ERBB4: variants seen among roughly 807,000 people sequenced by gnomAD.
ERBB4 encodes the protein receptor tyrosine-protein kinase erbB-4.
In ERBB4, 42 loss-of-function variants were observed where a neutral mutation model predicts 158.0. The observed-to-expected ratio is 0.27, with a 90% CI of 0.21 to 0.34. ERBB4 has a LOEUF of 0.34. Among genes scored for constraint, ERBB4 ranks in the 10% least tolerant of loss-of-function variants. ERBB4 has a pLI of 1.00. For missense variants in ERBB4, 1,333 were observed against 1,624.1 expected (o/e 0.82, Z 3.08); for synonymous variants, 583 against 558.7 (o/e 1.04, Z -0.61).
At chr2:211,629,374 C>T (rs1160322630) in intron 17 of ERBB4, among the ~76,000 whole-genome samples, 1 of 152,072 alleles carries the variant, frequency 6.6e-6, no homozygotes, top group Non-Finnish European at 1.5e-5. Context: ...GATCTACAAA[C>T]CACTGCTCAA....
intron 1 of ERBB4, among the ~76,000 whole-genome samples, chr2:212,455,855 G>A (rs79932098): frequency 0.048 from 7,250 of 151,964 alleles, 219 homozygotes; most frequent in Non-Finnish European, 0.068. Flanking sequence ...TCATTTATTT[G>A]TTTAAAAAAT....
At chr2:212,331,291 A>G (rs1431617612) in intron 1 of ERBB4, among the ~76,000 whole-genome samples, 3 of 151,168 alleles carry the variant, frequency 2.0e-5, no homozygotes, top group Non-Finnish European at 4.4e-5. Flanking sequence ...TATGAATAAT[A>G]CTTTTGTTGA....
At position 211,473,520 on chromosome 2, in the gene ERBB4, C is replaced by T. The variant is rs558732167; in HGVS notation, c.2488-42420G>A. ...TGTAAAAAGGGCCAGCTTTCTGGGA[C>T]ATGGAAATCTGTATGATATAAGGAT... is the stretch of plus-strand genomic sequence containing the variant. On this transcript the variant is annotated intron_variant, in intron 20 of 27. Transcript: ENST00000342788. Among the ~76,000 whole-genome samples, 106 of 152,168 alleles carry T rather than the reference C, an allele frequency of 7.0e-4. 1 individual carries two copies. In the South Asian group the frequency reaches 0.021, roughly 30 times the overall value.
chr2:212,049,574 G>C (rs2077345955), intron 2 of ERBB4, among the ~76,000 whole-genome samples: 1 of 151,916 alleles, frequency 6.6e-6, no homozygotes, highest in South Asian at 2.1e-4. Context: ...TATCCTTTTT[G>C]TTTTCTCAGT....
rs183352392 is a variant in ERBB4 at position 212,444,242 on chromosome 2, T to G, written c.82+94207A>C. 3.3e-3 allele frequency among the ~76,000 whole-genome samples: 510 copies of G among 152,306 alleles called. 11 individuals carry two copies. Among genetic ancestry groups the G allele is most frequent in the East Asian group, 5.0e-3 (26 of 5,182 alleles). The stretch of plus-strand genomic sequence containing the variant: ...CAAGCACTACCTGAAAGTGGACAGC[T>G]GTAGCACTACAGCTCCTTTCTAGGA... On this transcript the variant is annotated intron_variant, in intron 1 of 27. Transcript: ENST00000342788.
chr2:212,300,034 T>C (rs183538536), intron 1 of ERBB4, among the ~76,000 whole-genome samples: 38 of 151,650 alleles, frequency 2.5e-4, no homozygotes, highest in Admixed American at 2.2e-3. Flanking sequence ...ACCTAAATCA[T>C]TGAAGCAAAA....
chr2:211,981,805 TG>T (rs1477675085), intron 2 of ERBB4, among the ~76,000 whole-genome samples: 2 of 152,210 alleles, frequency 1.3e-5, no homozygotes, highest in Non-Finnish European at 2.9e-5. Flanking sequence ...GAAATCCACA[TG>T]AGTATGTGCA....
chr2:211,794,745 T>C lies in ERBB4; in HGVS notation c.422-6586A>G, dbSNP rs372298034. On this transcript the variant is annotated intron_variant, in intron 3 of 27. Coordinates refer to ENST00000342788, the MANE Select transcript of ERBB4 (RefSeq NM_005235.3). Reference sequence around the variant, plus strand: ...AAAAAATTAAAACTATATTTTATCTTGTAACAGTACTCAAATTATGAACAT... The same window carrying C: ...AAAAAATTAAAACTATATTTTATCTCGTAACAGTACTCAAATTATGAACAT... Among the ~76,000 whole-genome samples, 4 of 152,054 alleles carry C rather than the reference T, an allele frequency of 2.6e-5. No individual in the cohort carries two copies. In the East Asian group the frequency reaches 7.7e-4, roughly 29 times the overall value.
intron 1 of ERBB4, among the ~76,000 whole-genome samples, chr2:212,454,434 T>A (rs999978308): frequency 6.6e-6 from 1 of 152,156 alleles, no homozygotes; most frequent in African/African-American, 2.4e-5. Flanking sequence ...TATCTGTGGG[T>A]TTTCCCACCT....
chr2:212,270,263 A>G (rs2106115904), intron 1 of ERBB4, among the ~76,000 whole-genome samples: 2 of 151,944 alleles, frequency 1.3e-5, no homozygotes, highest in African/African-American at 4.8e-5. Context: ...AAATGTTAGT[A>G]TATGCTAATA....
chr2:211,909,823 C>T (rs2079497998), intron 3 of ERBB4, among the ~76,000 whole-genome samples: 1 of 151,826 alleles, frequency 6.6e-6, no homozygotes. Context: ...GAGAAGATAA[C>T]TAAGATAAAT....
chr2:212,466,441 C>G (rs1331796220), intron 1 of ERBB4, among the ~76,000 whole-genome samples: 1 of 152,140 alleles, frequency 6.6e-6, no homozygotes, highest in Non-Finnish European at 1.5e-5. Context: ...TGGGAGATGA[C>G]TGAATCACGG....
chr2:211,828,425 A>G (rs1559553155), intron 3 of ERBB4, among the ~76,000 whole-genome samples: 1 of 152,142 alleles, frequency 6.6e-6, no homozygotes, highest in African/African-American at 2.4e-5. Context: ...AGCCTGTGGC[A>G]TGCCTCCACA....
chr2:212,192,080 A>G (rs575680170), intron 1 of ERBB4, among the ~76,000 whole-genome samples: 1,701 of 100,410 alleles, frequency 0.017, 24 homozygotes, highest in African/African-American at 0.056. Flanking sequence ...TGTTATATAT[A>G]TTATATATAT....
chr2:211,444,528 G>A (rs946199018), intron 20 of ERBB4, among the ~76,000 whole-genome samples: 1 of 151,928 alleles, frequency 6.6e-6, no homozygotes, highest in Non-Finnish European at 1.5e-5. Context: ...GAAAATCAGG[G>A]ACACCTTGTG....
intron 1 of ERBB4, among the ~76,000 whole-genome samples, chr2:212,154,359 G>C (rs2080968459): frequency 6.6e-6 from 1 of 152,140 alleles, no homozygotes; most frequent in South Asian, 2.1e-4. Context: ...ATAAATTAAG[G>C]AAGCTGGGGA....
chr2:212,095,788 A>T (rs1282495558), intron 2 of ERBB4, among the ~76,000 whole-genome samples: 1 of 151,950 alleles, frequency 6.6e-6, no homozygotes, highest in Non-Finnish European at 1.5e-5. Context: ...GAAAAAAATT[A>T]GCCGGGCGTG....
At chr2:211,796,250 C>T (rs1225691228) in intron 3 of ERBB4, among the ~76,000 whole-genome samples, 1 of 151,804 alleles carries the variant, frequency 6.6e-6, no homozygotes, top group Non-Finnish European at 1.5e-5. Flanking sequence ...AGAATCATAC[C>T]ATACGTATTC....
intron 1 of ERBB4, among the ~76,000 whole-genome samples, chr2:212,255,608 G>T (rs1165828161): frequency 2.0e-5 from 3 of 151,906 alleles, no homozygotes; most frequent in East Asian, 3.9e-4. Flanking sequence ...GTGTGTGTGT[G>T]TTTTTTTTAA....
Sources: allele counts gnomAD v4.1 joint callset (sites outside exome capture counted in the v4.1 genomes callset), GRCh38; gene constraint gnomAD v4.1.1; transcripts MANE v1.5; gene names NCBI Gene and HGNC (gene_info 2026-07-23, HGNC 2026-07-21).